The following ANKH variants were observed in gnomAD, a reference collection of about 807,000 sequenced individuals.
ANKH encodes the protein ANKH inorganic pyrophosphate transport regulator.
ANKH carries 15 observed loss-of-function variants against 49.0 expected under a neutral mutation model. The ratio of observed to expected loss-of-function variants is 0.31; its 90% CI spans 0.20 to 0.47. The LOEUF (loss-of-function observed/expected upper bound fraction) is 0.47, where lower values mean the gene tolerates loss of function less well. ANKH is among the 20% of genes least tolerant of loss of function. ANKH has a pLI of 1.00. For missense variants in ANKH, 429 were observed against 652.0 expected (o/e 0.66, Z 3.72); for synonymous variants, 273 against 260.0 (o/e 1.05, Z -0.48).
chr5:14,811,323 C>T (rs924805626), intron 1 of ANKH, among the ~76,000 whole-genome samples: 5 of 152,174 alleles, frequency 3.3e-5, no homozygotes, highest in Admixed American at 6.6e-5. Flanking sequence ...GAAACCTGTG[C>T]GGTCTTAATA....
rs1737056205 is a variant in ANKH, at chr5:14,708,991, C to G, written c.*2206G>C. 1 of 152,080 alleles carries G rather than the reference C, an allele frequency of 6.6e-6. No homozygotes were observed. Among genetic ancestry groups the G allele is most frequent in the South Asian group, 2.1e-4 (1 of 4,816 alleles). 9.4% of individuals were successfully genotyped at this position (152,080 alleles called of 1,614,324 possible). ...CACTACAACCTCTGCCTCCCAGGAT[C>G]AAGCAAATTCTCCTGCCTCAGCCTC... On this transcript the variant is annotated 3_prime_UTR_variant, in exon 12 of 12. Transcript: ENST00000284268.
At chr5:14,718,836 C>CG (rs1024732831) in intron 8 of ANKH, among the ~76,000 whole-genome samples, 1 of 145,004 alleles carries the variant, frequency 6.9e-6, no homozygotes, top group East Asian at 2.0e-4. Context: ...ACCACCCCCC[C>CG]CCCAAAAAAA....
Position 14,756,626 on chromosome 5 carries a change from C to G in ANKH, c.433-682G>C, listed in dbSNP as rs187294702. Among the ~76,000 whole-genome samples, 165 of 152,314 alleles carry G rather than the reference C, an allele frequency of 1.1e-3. 3 individuals carry two copies. Among genetic ancestry groups the G allele is most frequent in the East Asian group, 5.2e-3 (27 of 5,184 alleles). ...ACAATGAGGCAAGCAGGGTCTATTCCCCAGGTCCATGTCAAGATTTTGTAC... is the reference window on the plus strand; with the variant it reads ...ACAATGAGGCAAGCAGGGTCTATTCGCCAGGTCCATGTCAAGATTTTGTAC... On this transcript the variant is annotated intron_variant, in intron 3 of 11. Coordinates refer to ENST00000284268, the MANE Select transcript of ANKH (RefSeq NM_054027.6).
chr5:14,742,753 G>T (rs1021717801), intron 7 of ANKH, among the ~76,000 whole-genome samples: 8 of 152,202 alleles, frequency 5.3e-5, no homozygotes, highest in African/African-American at 1.9e-4. Flanking sequence ...GATGCCCCAA[G>T]AACACCTGCT....
intron 1 of ANKH, among the ~76,000 whole-genome samples, chr5:14,774,053 A>C (rs1400648670): frequency 6.6e-6 from 1 of 152,254 alleles, no homozygotes; most frequent in African/African-American, 2.4e-5. Flanking sequence ...GTATGAAAAA[A>C]GCTGCAGAAT....
intron 5 of ANKH, among the ~76,000 whole-genome samples, chr5:14,750,600 C>A (rs1738679965): frequency 6.6e-6 from 1 of 152,114 alleles, no homozygotes; most frequent in Admixed American, 6.5e-5. Context: ...CCCTATGGTA[C>A]CTAACGTTGT....
intron 8 of ANKH, among the ~76,000 whole-genome samples, chr5:14,721,659 T>C (rs539626701): frequency 1.4e-3 from 214 of 152,062 alleles, no homozygotes; most frequent in Non-Finnish European, 2.0e-3. Flanking sequence ...GAGCTGGGCG[T>C]GGTGGCTCAT....
chr5:14,820,448 T>C lies in ANKH; in HGVS notation c.96+50904A>G, dbSNP rs936647967. Among the ~76,000 whole-genome samples, 9 of 152,244 alleles carry C rather than the reference T, an allele frequency of 5.9e-5. No individual in the cohort carries two copies. In the East Asian group the frequency reaches 1.7e-3, roughly 29 times the overall value. ...GAAAGAGATGGAGCTCAACTCTGAA[T>C]ATAAGAACAAGGGAGAATGACAGCC... is the stretch of plus-strand genomic sequence containing the variant. On this transcript the variant is annotated intron_variant, in intron 1 of 11. Transcript: ENST00000284268.
chr5:14,733,866 G>A (rs964245472), intron 8 of ANKH, among the ~76,000 whole-genome samples: 9 of 152,348 alleles, frequency 5.9e-5, no homozygotes, highest in African/African-American at 1.7e-4. Flanking sequence ...CGTTGATGGC[G>A]CATGCGTGTC....
At chr5:14,749,033 A>T in intron 6 of ANKH, 139 bp downstream of exon 6, 1 of 1,251,924 alleles carries the variant, frequency 8.0e-7, no homozygotes. Context: ...CGAGATCTTT[A>T]TGGCTTCCTA....
At chr5:14,772,385 G>A (rs1172480200) in intron 1 of ANKH, among the ~76,000 whole-genome samples, 5 of 152,258 alleles carry the variant, frequency 3.3e-5, no homozygotes, top group African/African-American at 7.2e-5. Flanking sequence ...TATGCTAGCC[G>A]TAGGAACTCA....
intron 9 of ANKH, among the ~76,000 whole-genome samples, chr5:14,716,221 G>A (rs151177192): frequency 0.012 from 1,845 of 152,234 alleles, 39 homozygotes; most frequent in African/African-American, 0.041. Context: ...CAAGTTGTAC[G>A]CCAGGTGCAG....
At chr5:14,797,402 T>C in intron 1 of ANKH, 1 of 1,611,008 alleles carries the variant, frequency 6.2e-7, no homozygotes, top group Non-Finnish European at 8.5e-7. Context: ...CACTGGAAGC[T>C]AAAATAGTCT....
chr5:14,735,085 T>C (rs1394748473), intron 8 of ANKH, among the ~76,000 whole-genome samples: 2 of 152,186 alleles, frequency 1.3e-5, no homozygotes, highest in African/African-American at 4.8e-5. Flanking sequence ...CAAAGTAACT[T>C]AAATCTAGTC....
At chr5:14,849,451 A>C (rs1157021344) in intron 1 of ANKH, among the ~76,000 whole-genome samples, 1 of 152,220 alleles carries the variant, frequency 6.6e-6, no homozygotes. Context: ...ACGGGTTCTT[A>C]AACTATTTAT....
intron 1 of ANKH, chr5:14,797,745 G>C (rs1217233896): frequency 6.2e-7 from 1 of 1,610,150 alleles, no homozygotes; most frequent in Admixed American, 1.7e-5. Flanking sequence ...GATGGTCTTC[G>C]CATCTACCAC....
chr5:14,723,137 G>A lies in ANKH; in HGVS notation c.1012-6302C>T, dbSNP rs368673091. Among the ~76,000 whole-genome samples, 22 of 152,102 alleles carry A rather than the reference G, an allele frequency of 1.4e-4. No homozygotes were observed. The East Asian group carries it at 1.5e-3, about 11-fold the overall frequency. On this transcript the variant is annotated intron_variant, in intron 8 of 11. Coordinates refer to ENST00000284268, the MANE Select transcript of ANKH (RefSeq NM_054027.6). ...AAGCATGATGACTAGACATAATGTG[G>A]TGTCTTGGATGAGATCCTGGAACAG...
intron 1 of ANKH, among the ~76,000 whole-genome samples, chr5:14,800,619 T>G (rs1269166439): frequency 6.6e-6 from 1 of 152,222 alleles, no homozygotes; most frequent in Non-Finnish European, 1.5e-5. Flanking sequence ...CGTTAGCATT[T>G]TTTAGCAATG....
chr5:14,866,069 C>T (rs565814570), intron 1 of ANKH, among the ~76,000 whole-genome samples: 10 of 152,248 alleles, frequency 6.6e-5, no homozygotes, highest in South Asian at 6.2e-4. Context: ...GTATTCAGTG[C>T]GGTCTCAGCT....
Sources: allele counts gnomAD v4.1 joint callset (sites outside exome capture counted in the v4.1 genomes callset), GRCh38; gene constraint gnomAD v4.1.1; transcripts MANE v1.5; gene names NCBI Gene and HGNC (gene_info 2026-07-23, HGNC 2026-07-21).